The following ASAP2 variants were observed in gnomAD, a reference collection of about 807,000 sequenced individuals.
ASAP2 encodes the protein arf-GAP with SH3 domain, ANK repeat and PH domain-containing protein 2.
Under a neutral mutation model 131.4 loss-of-function variants are expected in ASAP2, and 45 were observed. The observed-to-expected ratio is 0.34, with a 90% confidence interval of 0.27 to 0.44. The LOEUF is 0.44. ASAP2 is among the 20% of genes least tolerant of loss of function. The pLI is 1.00. For missense variants in ASAP2, 1,011 were observed against 1,297.0 expected (o/e 0.78, Z 3.39); for synonymous variants, 510 against 503.0 (o/e 1.01, Z -0.19).
chr2:9,402,049 T>C (rs1212266374), intron 27 of ASAP2, among the ~76,000 whole-genome samples: 1 of 152,224 alleles, frequency 6.6e-6, no homozygotes, highest in Non-Finnish European at 1.5e-5. Flanking sequence ...AGCCCCAGGC[T>C]GAGCCCACCA....
intron 16 of ASAP2, among the ~76,000 whole-genome samples, chr2:9,374,456 G>A (rs1223608252): frequency 6.6e-6 from 1 of 152,190 alleles, no homozygotes; most frequent in Non-Finnish European, 1.5e-5. Context: ...TGGAGGTGAC[G>A]AGGGCGACAG....
intron 3 of ASAP2, among the ~76,000 whole-genome samples, chr2:9,303,021 C>T (rs923472519): frequency 5.3e-5 from 8 of 152,150 alleles, no homozygotes; most frequent in Non-Finnish European, 8.8e-5. Context: ...AGGCTTGTCT[C>T]GTCACTCAAT....
chr2:9,320,215 C>A, intron 4 of ASAP2, 73 bp from the exon 5 acceptor site: 1 of 1,271,160 alleles, frequency 7.9e-7, no homozygotes, highest in Non-Finnish European at 1.1e-6. Flanking sequence ...AGGGCTAGTA[C>A]AGGGATAAGT....
intron 15 of ASAP2, among the ~76,000 whole-genome samples, chr2:9,363,933 G>T (rs771870707): frequency 3.3e-5 from 5 of 152,120 alleles, no homozygotes; most frequent in Admixed American, 6.6e-5. Context: ...TAGTTCTGGG[G>T]AATCATGTCA....
chr2:9,355,080 T>C (rs1672609798), intron 12 of ASAP2, among the ~76,000 whole-genome samples: 1 of 152,228 alleles, frequency 6.6e-6, no homozygotes, highest in South Asian at 2.1e-4. Context: ...AATACAGTTA[T>C]CCAGTAGTCC....
chr2:9,309,135 A>G (rs996057453), intron 3 of ASAP2, among the ~76,000 whole-genome samples: 1 of 152,120 alleles, frequency 6.6e-6, no homozygotes, highest in African/African-American at 2.4e-5. Context: ...GGCCTTTCTG[A>G]CACTATTTGA....
At chr2:9,237,588 T>C (rs1663641633) in intron 1 of ASAP2, among the ~76,000 whole-genome samples, 1 of 152,014 alleles carries the variant, frequency 6.6e-6, no homozygotes, top group Admixed American at 6.6e-5. Context: ...ATTACTTTTA[T>C]TTTTATTTTT....
intron 1 of ASAP2, among the ~76,000 whole-genome samples, chr2:9,216,082 GGCATGTACT>G: frequency 6.6e-6 from 1 of 152,182 alleles, no homozygotes; most frequent in East Asian, 1.9e-4. Flanking sequence ...TGTGTCACAC[GGCATGTACT>G]GCCTTTGACT....
chr2:9,390,978 A>G (rs1675671042), intron 22 of ASAP2, 84 bp from the exon 23 acceptor site: 3 of 1,601,682 alleles, frequency 1.9e-6, no homozygotes, highest in Admixed American at 3.3e-5. Flanking sequence ...AGGATCAATA[A>G]CGCAGTGTTC....
chr2:9,325,342 G>GGTTTTT (rs1451411701), intron 6 of ASAP2, among the ~76,000 whole-genome samples: 4 of 152,070 alleles, frequency 2.6e-5, no homozygotes, highest in African/African-American at 9.7e-5. Flanking sequence ...ACAAAGTATT[G>GGTTTTT]GTTTTTGTTT....
chr2:9,340,851 A>C (rs917408180), intron 9 of ASAP2, among the ~76,000 whole-genome samples: 1 of 152,222 alleles, frequency 6.6e-6, no homozygotes, highest in Non-Finnish European at 1.5e-5. Flanking sequence ...CAGAAAAGTT[A>C]AGATCAAGGA....
intron 3 of ASAP2, among the ~76,000 whole-genome samples, chr2:9,317,309 A>G (rs1287169254): frequency 1.5e-5 from 2 of 129,266 alleles, no homozygotes; most frequent in Admixed American, 1.7e-4. Context: ...ACAGCCCCCC[A>G]CATCCACTCA....
At chr2:9,380,511 TG>T (rs1282573454) in intron 19 of ASAP2, among the ~76,000 whole-genome samples, 1 of 152,226 alleles carries the variant, frequency 6.6e-6, no homozygotes, top group Non-Finnish European at 1.5e-5. Flanking sequence ...TTTAGTTTCT[TG>T]ATTAGTTCAA....
intron 2 of ASAP2, among the ~76,000 whole-genome samples, chr2:9,291,529 A>G (rs1480556441): frequency 6.6e-6 from 1 of 152,234 alleles, no homozygotes; most frequent in Non-Finnish European, 1.5e-5. Flanking sequence ...TGTGCACAAC[A>G]TCACAACATT....
intron 2 of ASAP2, among the ~76,000 whole-genome samples, chr2:9,295,060 T>C (rs1572376691): frequency 6.6e-6 from 1 of 152,220 alleles, no homozygotes; most frequent in East Asian, 1.9e-4. Context: ...GGACCTATCC[T>C]TCACTGTTAA....
intron 20 of ASAP2, among the ~76,000 whole-genome samples, chr2:9,381,253 A>G (rs1164463432): frequency 1.3e-5 from 2 of 152,248 alleles, no homozygotes; most frequent in Non-Finnish European, 2.9e-5. Flanking sequence ...AAGACAATGT[A>G]GACAGTAGAA....
intron 20 of ASAP2, among the ~76,000 whole-genome samples, chr2:9,382,125 A>G (rs1674902565): frequency 6.6e-6 from 1 of 151,932 alleles, no homozygotes; most frequent in Admixed American, 6.6e-5. Context: ...CTCGGATTAC[A>G]GGCACCTGCC....
chr2:9,389,119 C>A lies in ASAP2; in HGVS notation c.2383+573C>A, dbSNP rs887710903. Among the ~76,000 whole-genome samples, 1 of 152,222 alleles carries A rather than the reference C, an allele frequency of 6.6e-6. No homozygotes were observed. On this transcript the variant is annotated intron_variant, in intron 22 of 27. Coordinates refer to ENST00000281419, the MANE Select transcript of ASAP2 (RefSeq NM_003887.3). This position sits in a 1 kb window ranked among gnomAD's most constrained non-coding sequence, Gnocchi z 4.7. ...CTGTAACCTGGAGGTTTTGACTCAA[C>A]AGGTGACACTTTCTGTTTTTAGAAA...
intron 1 of ASAP2, among the ~76,000 whole-genome samples, chr2:9,208,862 A>T (rs889686640): frequency 1.3e-5 from 2 of 152,248 alleles, no homozygotes; most frequent in Non-Finnish European, 1.5e-5. Context: ...AGCATTGTGC[A>T]TGATGTCTTT....
Sources: gnomAD v4.1 joint callset for allele counts (sites outside exome capture counted in the v4.1 genomes callset) on GRCh38, gnomAD v4.1.1 for gene constraint, Gnocchi (gnomAD v3.1) non-coding constraint, MANE v1.5 for transcripts, NCBI Gene and HGNC (gene_info 2026-07-23, HGNC 2026-07-21) for gene names.